Variants in VLDLR observed in about 807,000 individuals in gnomAD.
VLDLR encodes the protein very low density lipoprotein receptor.
Under a neutral mutation model 112.7 loss-of-function variants are expected in VLDLR, and 81 were observed. That is an observed-to-expected ratio of 0.72 (90% confidence interval 0.60 to 0.86). The LOEUF is 0.86. Ranked by LOEUF, VLDLR falls within the 40% of genes least tolerant of loss-of-function variation. The pLI, the probability that VLDLR is intolerant of heterozygous loss-of-function variation, is 0.00. For synonymous variants in VLDLR, 436 were observed against 384.8 expected, an observed-to-expected ratio of 1.13 and a Z score of -1.56; for missense variants, 1,237 against 1,099.4, an observed-to-expected ratio of 1.13 and a Z score of -1.77.
chr9:2,648,108 G>C lies in VLDLR; in HGVS notation c.1823-100G>C, dbSNP rs1586656033. 4 of 1,533,158 alleles carry C rather than the reference G, an allele frequency of 2.6e-6. No individual in the cohort carries two copies. In the East Asian group the frequency reaches 9.2e-5, roughly 35 times the overall value. 95.0% of individuals were successfully genotyped at this position (1,533,158 alleles called of 1,614,324 possible). A position where few individuals can be genotyped will look rare whatever the true frequency, so the allele number is the denominator to read the frequency against. ...GACCCCGTTAAGAAACCCTGCTGGG[G>C]AAAGAACCGTGAAAGTAGATTATTA... On this transcript the variant is annotated intron_variant, in intron 12 of 18. Coordinates refer to ENST00000382100, the MANE Select transcript of VLDLR (RefSeq NM_003383.5).
Position 2,651,640 on chromosome 9 carries a change from C to T in VLDLR, c.2335+142C>T, listed in dbSNP as rs186778203. The T allele has an allele frequency of 1.0e-3, 925 of 910,126 alleles. 4 individuals carry two copies. Among genetic ancestry groups the T allele is most frequent in the Non-Finnish European group, 1.3e-3 (787 of 589,654 alleles). 56.4% of individuals were successfully genotyped at this position (910,126 alleles called of 1,614,324 possible). ...ATATTTAAACACCAAAGACTTAAAACTTGCATATCTTTTCCTGACTGATCT... is the reference window on the plus strand; with the variant it reads ...ATATTTAAACACCAAAGACTTAAAATTTGCATATCTTTTCCTGACTGATCT... On this transcript the variant is annotated intron_variant, in intron 16 of 18. Coordinates refer to ENST00000382100, the MANE Select transcript of VLDLR (RefSeq NM_003383.5).
At chr9:2,650,649 G>A in intron 15 of VLDLR, 133 bp downstream of exon 15, 1 of 1,291,564 alleles carries the variant, frequency 7.7e-7, no homozygotes, top group Non-Finnish European at 1.1e-6. Context: ...GCTATTGTAT[G>A]CCGGGTTATC....
chr9:2,646,589 G>C, intron 11 of VLDLR, 37 bp downstream of exon 11: 1 of 1,594,292 alleles, frequency 6.3e-7, no homozygotes. Context: ...CTTTGGAATG[G>C]TATCTGTGTA....
At chr9:2,634,868 C>T (rs1217217886) in intron 1 of VLDLR, among the ~76,000 whole-genome samples, 2 of 152,116 alleles carry the variant, frequency 1.3e-5, no homozygotes, top group Non-Finnish European at 2.9e-5. Flanking sequence ...CTTCACTGTG[C>T]TTGTAATAGA....
intron 15 of VLDLR, 40 bp from the exon 16 acceptor site, chr9:2,651,375 A>C (rs1818322866): frequency 6.4e-7 from 1 of 1,557,940 alleles, no homozygotes; most frequent in African/African-American, 1.4e-5. Flanking sequence ...GCCATGCTGG[A>C]ACCCTGGCAT....
At position 2,621,821 on chromosome 9, in the gene VLDLR, C is replaced by A. The variant is rs1304662712; in HGVS notation, c.-369C>A. 6.0e-6 allele frequency: 3 copies of A among 496,742 alleles called. No individual in the cohort carries two copies. The highest frequency in any genetic ancestry group is 2.0e-5 in the African/African-American group (1 of 49,776). 30.8% of individuals were successfully genotyped at this position (496,742 alleles called of 1,614,324 possible). A position where few individuals can be genotyped will look rare whatever the true frequency, so the allele number is the denominator to read the frequency against. ...TCCGGCCGCCGCCGGTGCGGGTGCT[C>A]CGCTACCGGCTCCTCTCCGTTCTGT... On this transcript the variant is annotated 5_prime_UTR_variant, in exon 1 of 19. Coordinates refer to ENST00000382100, the MANE Select transcript of VLDLR (RefSeq NM_003383.5).
intron 15 of VLDLR, among the ~76,000 whole-genome samples, chr9:2,651,165 A>C (rs956722654): frequency 6.6e-6 from 1 of 152,150 alleles, no homozygotes; most frequent in Non-Finnish European, 1.5e-5. Context: ...AGAGGGATAA[A>C]ATGTGGTTGT....
intron 2 of VLDLR, 119 bp from the exon 3 acceptor site, chr9:2,639,740 C>A: frequency 6.9e-7 from 1 of 1,448,342 alleles, no homozygotes; most frequent in Non-Finnish European, 9.7e-7. Context: ...CAGTTGAGTG[C>A]CCATTGACTC....
chr9:2,622,758 G>A (rs1023539911), intron 1 of VLDLR, among the ~76,000 whole-genome samples: 1 of 152,132 alleles, frequency 6.6e-6, no homozygotes, highest in Non-Finnish European at 1.5e-5. Context: ...GAGCGCCAGG[G>A]GCCGGCCGGG....
In VLDLR at chr9:2,658,471, A is replaced by G. The variant is rs751007785; in HGVS notation, c.*4603A>G. On this transcript the variant is annotated 3_prime_UTR_variant, in exon 19 of 19. Coordinates refer to ENST00000382100, the MANE Select transcript of VLDLR (RefSeq NM_003383.5). ...TGCTCCGCAGGTTACCTCATGGCATATCAAAAATGGCTTTTTTCTTCACTG... is the reference window on the plus strand; with the variant it reads ...TGCTCCGCAGGTTACCTCATGGCATGTCAAAAATGGCTTTTTTCTTCACTG... The G allele has an allele frequency of 3.3e-5, 5 of 152,348 alleles. No homozygotes were observed. Among genetic ancestry groups the G allele is most frequent in the Non-Finnish European group, 5.9e-5 (4 of 68,030 alleles). The allele number at this position is 152,348 out of a possible 1,614,324, so 9.4% of individuals were successfully genotyped here. A position where few individuals can be genotyped will look rare whatever the true frequency, so the allele number is the denominator to read the frequency against.
rs1393764629 is a variant in VLDLR at position 2,659,580 on chromosome 9, T to A, written c.*5712T>A. The A allele has an allele frequency of 1.3e-5, 2 of 152,250 alleles. No homozygotes were observed. The highest frequency in any genetic ancestry group is 4.8e-5 in the African/African-American group (2 of 41,472). 9.4% of individuals were successfully genotyped at this position (152,250 alleles called of 1,614,324 possible). A position where few individuals can be genotyped will look rare whatever the true frequency, so the allele number is the denominator to read the frequency against. ...AGGAATTTATAAGCAGGCAACTTCA[T>A]TCCTATGTATAAGATATTGGGAGAA... On this transcript the variant is annotated 3_prime_UTR_variant, in exon 19 of 19. Coordinates refer to ENST00000382100, the MANE Select transcript of VLDLR (RefSeq NM_003383.5).
At chr9:2,649,389 T>G (rs539122562) in intron 14 of VLDLR, among the ~76,000 whole-genome samples, 11 of 151,114 alleles carry the variant, frequency 7.3e-5, no homozygotes, top group Admixed American at 2.0e-4. Context: ...TTTCTTGCTT[T>G]CTTTCTTTTT....
chr9:2,651,286 A>C (rs911451656), intron 15 of VLDLR, 129 bp from the exon 16 acceptor site: 2 of 737,350 alleles, frequency 2.7e-6, no homozygotes, highest in East Asian at 5.4e-5. Flanking sequence ...CAGCTGTACA[A>C]CTTAGTTCAG....
Position 2,639,975 on chromosome 9 carries a change from C to T in VLDLR, c.319C>T (p.Gln107Ter). ...CEDGSDESPEQCHMRTCRIHE... is the reference protein window; with the variant it reads ...CEDGSDESPE ...AGATGGTTCAGATGAAAGCCCAGAA[C>T]AGTGCCGTGAGTGTAACTTGCTTTG... The change falls in exon 3 of 19, where the codon CAG becomes TAG. Residue 107 changes from glutamine to a stop codon, truncating the protein, a stop_gained. Transcript: ENST00000382100. LOFTEE classifies it high-confidence loss of function. 1 of 1,614,206 alleles carries T rather than the reference C, an allele frequency of 6.2e-7. No homozygotes were observed. The highest frequency in any genetic ancestry group is 8.5e-7 in the Non-Finnish European group (1 of 1,180,044).
intron 2 of VLDLR, among the ~76,000 whole-genome samples, chr9:2,638,964 C>G (rs919707909): frequency 4.6e-5 from 7 of 152,156 alleles, no homozygotes; most frequent in Non-Finnish European, 8.8e-5. Flanking sequence ...GAGTTTTCTC[C>G]CCTTTCTACC....
At position 2,658,345 on chromosome 9, in the gene VLDLR, A is replaced by G. The variant is rs1818679222; in HGVS notation, c.*4477A>G. 1 of 152,242 alleles carries G rather than the reference A, an allele frequency of 6.6e-6. No homozygotes were observed. The highest frequency in any genetic ancestry group is 1.5e-5 in the Non-Finnish European group (1 of 68,046). 9.4% of individuals were successfully genotyped at this position (152,242 alleles called of 1,614,324 possible). On this transcript the variant is annotated 3_prime_UTR_variant, in exon 19 of 19. Coordinates refer to ENST00000382100, the MANE Select transcript of VLDLR (RefSeq NM_003383.5). ...GCCTGGCTAATGAGAAAAAGAACAA[A>G]GTAGGACCATGACCCAGTGTTCTCC...
chr9:2,653,063 C>A, intron 18 of VLDLR, 114 bp downstream of exon 18: 1 of 1,351,064 alleles, frequency 7.4e-7, no homozygotes, highest in Non-Finnish European at 1.1e-6. Context: ...AACACTTCAT[C>A]TGCTACCTGG....
In VLDLR at chr9:2,656,082, AAAGT is replaced by A. The variant is rs1395879781; in HGVS notation, c.*2216_*2219del. 7.9e-6 allele frequency: 1 copy of A among 126,998 alleles called. No individual in the cohort carries two copies. Among genetic ancestry groups the A allele is most frequent in the Non-Finnish European group, 1.6e-5 (1 of 62,926 alleles). 7.9% of individuals were successfully genotyped at this position (126,998 alleles called of 1,614,324 possible). A position where few individuals can be genotyped will look rare whatever the true frequency, so the allele number is the denominator to read the frequency against. On this transcript the variant is annotated 3_prime_UTR_variant, in exon 19 of 19. Coordinates refer to ENST00000382100, the MANE Select transcript of VLDLR (RefSeq NM_003383.5). ...AGGCCCAAAGTTTGTTTTGGCAAAT[AAAGT>A]ATTATTCTCTATCATCATCTTTTGA...
chr9:2,645,435 C>T lies in VLDLR; in HGVS notation c.1313-139C>T, dbSNP rs1022796404. 7.4e-6 allele frequency: 8 copies of T among 1,087,102 alleles called. No individual in the cohort carries two copies. In the African/African-American group the frequency reaches 1.3e-4, roughly 17 times the overall value. The allele number at this position is 1,087,102 out of a possible 1,614,324, so 67.3% of individuals were successfully genotyped here. ...AGGAAGCACTTGCAGGTCCCAGGGGCAGGAACTCCAGAACAGATACTACTG... is the reference window on the plus strand; with the variant it reads ...AGGAAGCACTTGCAGGTCCCAGGGGTAGGAACTCCAGAACAGATACTACTG... On this transcript the variant is annotated intron_variant, in intron 9 of 18. Transcript: ENST00000382100.
Sources: gnomAD v4.1 joint callset for allele counts (sites outside exome capture counted in the v4.1 genomes callset) on GRCh38, gnomAD v4.1.1 for gene constraint, MANE v1.5 for transcripts, NCBI Gene and HGNC (gene_info 2026-07-23, HGNC 2026-07-21) for gene names.